CCDC178: variants seen among roughly 807,000 people sequenced by gnomAD.
CCDC178 encodes coiled-coil domain containing 178.
A neutral mutation model predicts 117.4 loss-of-function variants in CCDC178; 126 were observed. The observed-to-expected ratio is 1.07, with a 90% confidence interval of 0.93 to 1.24. The LOEUF is 1.24. Ranked by LOEUF, CCDC178 falls within the 50% of genes most tolerant of loss-of-function variation. The pLI is 0.00. For missense variants in CCDC178, 1,030 were observed against 986.9 expected (o/e 1.04, Z -0.59); for synonymous variants, 283 against 313.4 (o/e 0.90, Z 1.02).
chr18:33,104,538 C>T (rs974842897), intron 20 of CCDC178, among the ~76,000 whole-genome samples: 1 of 151,664 alleles, frequency 6.6e-6, no homozygotes, highest in Non-Finnish European at 1.5e-5. Context: ...GTCCTCTTGT[C>T]ACTCCTGAAA....
intron 20 of CCDC178, among the ~76,000 whole-genome samples, chr18:33,121,060 A>G (rs1208679001): frequency 6.6e-6 from 1 of 152,118 alleles, no homozygotes; most frequent in Non-Finnish European, 1.5e-5. Flanking sequence ...CAACTTTGCT[A>G]GTCTTCATTC....
chr18:33,028,170 C>T (rs758883538), intron 21 of CCDC178, among the ~76,000 whole-genome samples: 2 of 151,438 alleles, frequency 1.3e-5, no homozygotes, highest in African/African-American at 2.4e-5. Flanking sequence ...AACACATTTA[C>T]AGTAGAGAAA....
chr18:33,071,664 C>T (rs2057111321), intron 21 of CCDC178, among the ~76,000 whole-genome samples: 2 of 152,066 alleles, frequency 1.3e-5, no homozygotes, highest in African/African-American at 2.4e-5. Context: ...CATTGGGAAA[C>T]TTGAGGAAAT....
intron 12 of CCDC178, among the ~76,000 whole-genome samples, chr18:33,270,953 T>C (rs949855334): frequency 1.3e-5 from 2 of 151,536 alleles, no homozygotes; most frequent in South Asian, 4.1e-4. Flanking sequence ...ATTTATACAA[T>C]AGCAAGACAA....
chr18:33,051,846 T>C (rs2056753252), intron 21 of CCDC178, among the ~76,000 whole-genome samples: 1 of 152,208 alleles, frequency 6.6e-6, no homozygotes, highest in Non-Finnish European at 1.5e-5. Context: ...GCATTTTTAA[T>C]CAAATTAGTA....
At chr18:33,011,494 G>A (rs1346270570) in intron 21 of CCDC178, among the ~76,000 whole-genome samples, 2 of 151,924 alleles carry the variant, frequency 1.3e-5, no homozygotes, top group Non-Finnish European at 2.9e-5. Context: ...AAGCCTGCAG[G>A]ATTCCAATGG....
intron 21 of CCDC178, among the ~76,000 whole-genome samples, chr18:33,046,122 G>A (rs564467585): frequency 6.6e-6 from 1 of 152,116 alleles, no homozygotes; most frequent in African/African-American, 2.4e-5. Flanking sequence ...TAGCCTTTAC[G>A]AACATGAAAT....
intron 21 of CCDC178, among the ~76,000 whole-genome samples, chr18:33,040,799 G>A (rs2056534832): frequency 6.6e-6 from 1 of 151,918 alleles, no homozygotes; most frequent in Non-Finnish European, 1.5e-5. Context: ...TCAAAAAATA[G>A]CACATGGTAA....
At chr18:33,333,477 C>T in intron 9 of CCDC178, 83 bp from the exon 10 acceptor site, 4 of 411,528 alleles carry the variant, frequency 9.7e-6, no homozygotes, top group South Asian at 5.1e-5. Flanking sequence ...ATTTTAATTT[C>T]AGAAATTCCT....
At chr18:33,213,662 G>A (rs1003410316) in intron 19 of CCDC178, among the ~76,000 whole-genome samples, 3 of 151,978 alleles carry the variant, frequency 2.0e-5, no homozygotes, top group Non-Finnish European at 4.4e-5. Flanking sequence ...TATACACTAT[G>A]TACGTGTATA....
At position 33,267,229 on chromosome 18, in the gene CCDC178, C is replaced by A; in HGVS notation, c.1245G>T (p.Leu415=). Residue 415 remains leucine (L), a synonymous_variant, in exon 13 of 23, where the codon CTG becomes CTT. Transcript: ENST00000383096. ...CAGCATAAAAATCATTAACTGCTTC[C>A]AGATACTGATTTTCATGACTTTTTT... The part of the protein sequence containing the change: ...WKQKSHENQY[L]EAVNDFYAAK... 1.2e-6 allele frequency: 2 copies of A among 1,601,924 alleles called. No individual in the cohort carries two copies. The highest frequency in any genetic ancestry group is 1.8e-5 in the Admixed American group (1 of 56,588).
intron 14 of CCDC178, among the ~76,000 whole-genome samples, chr18:33,248,408 G>C (rs1316124986): frequency 6.6e-6 from 1 of 150,718 alleles, no homozygotes; most frequent in African/African-American, 2.4e-5. Flanking sequence ...AGCTCCTAAT[G>C]CTATCCCTCC....
intron 11 of CCDC178, among the ~76,000 whole-genome samples, chr18:33,297,032 A>G (rs1364469730): frequency 2.6e-5 from 4 of 152,172 alleles, no homozygotes; most frequent in Admixed American, 2.0e-4. Context: ...TCAAATAATA[A>G]ACAAATAAAT....
At chr18:33,398,032 T>G (rs2063663045) in intron 3 of CCDC178, among the ~76,000 whole-genome samples, 1 of 152,094 alleles carries the variant, frequency 6.6e-6, no homozygotes, top group South Asian at 2.1e-4. Context: ...ATATGAGGCC[T>G]ACTTTATTTG....
At chr18:33,377,511 C>A (rs745687086) in intron 5 of CCDC178, among the ~76,000 whole-genome samples, 15 of 152,244 alleles carry the variant, frequency 9.9e-5, no homozygotes, top group East Asian at 3.9e-4. Flanking sequence ...GTCACAAATT[C>A]TCTCCCAAGA....
chr18:33,266,564 T>C (rs1258607687), intron 14 of CCDC178, among the ~76,000 whole-genome samples: 1 of 150,412 alleles, frequency 6.6e-6, no homozygotes, highest in African/African-American at 2.4e-5. Context: ...TTTATTATTA[T>C]TATACTTTAA....
intron 20 of CCDC178, among the ~76,000 whole-genome samples, chr18:33,185,700 G>A (rs978558409): frequency 1.3e-5 from 2 of 151,920 alleles, no homozygotes; most frequent in Non-Finnish European, 2.9e-5. Context: ...TTAGTAAAAG[G>A]GGAAGTTCTG....
chr18:33,420,042 C>T (rs1405334299), intron 2 of CCDC178, among the ~76,000 whole-genome samples: 7 of 151,958 alleles, frequency 4.6e-5, no homozygotes, highest in Non-Finnish European at 8.8e-5. Context: ...TGGAATCATC[C>T]CGAATGCCCA....
At chr18:33,435,391 G>GT (rs1468318843) in intron 2 of CCDC178, among the ~76,000 whole-genome samples, 2 of 152,118 alleles carry the variant, frequency 1.3e-5, no homozygotes, top group Non-Finnish European at 2.9e-5. Flanking sequence ...TTTAGAGCAT[G>GT]TAAGCACCAT....
Sources: gnomAD v4.1 joint callset for allele counts (sites outside exome capture counted in the v4.1 genomes callset) on GRCh38, gnomAD v4.1.1 for gene constraint, MANE v1.5 for transcripts, NCBI Gene and HGNC (gene_info 2026-07-23, HGNC 2026-07-21) for gene names.